Variants in EBF2 observed in about 807,000 individuals in gnomAD.
The protein encoded by EBF2 is transcription factor COE2.
In EBF2, 21 loss-of-function variants were observed where a neutral mutation model predicts 72.8. The observed-to-expected ratio is 0.29, with a 90% CI of 0.20 to 0.42. The LOEUF (loss-of-function observed/expected upper bound fraction) is 0.42. EBF2 is among the 10% of genes least tolerant of loss of function. The pLI is 1.00. For missense variants in EBF2, 637 were observed against 731.2 expected (o/e 0.87, Z 1.49); for synonymous variants, 299 against 274.2 (o/e 1.09, Z -0.89).
At position 25,842,200 on chromosome 8, in the gene EBF2, T is replaced by A. The variant is rs1801755826; in HGVS notation, c.*2409A>T. 6.6e-6 allele frequency: 1 copy of A among 152,210 alleles called. No individual in the cohort carries two copies. The highest frequency in any genetic ancestry group is 6.5e-5 in the Admixed American group (1 of 15,278). 9.4% of individuals were successfully genotyped at this position (152,210 alleles called of 1,614,324 possible). A position where few individuals can be genotyped will look rare whatever the true frequency, so the allele number is the denominator to read the frequency against. ...TGGGACTGGAATGATTGAATAGCAA[T>A]GACTAACGAGGACAGGGTAGCTTTG... On this transcript the variant is annotated 3_prime_UTR_variant, in exon 16 of 16. Coordinates refer to ENST00000520164, the MANE Select transcript of EBF2 (RefSeq NM_022659.4).
chr8:25,976,503 T>C (rs1804270719), intron 6 of EBF2, among the ~76,000 whole-genome samples: 1 of 152,242 alleles, frequency 6.6e-6, no homozygotes, highest in Non-Finnish European at 1.5e-5. Context: ...ACACAGTATA[T>C]TTCGACTGAG....
At chr8:25,977,774 G>C (rs952322277) in intron 6 of EBF2, among the ~76,000 whole-genome samples, 1 of 152,128 alleles carries the variant, frequency 6.6e-6, no homozygotes, top group Non-Finnish European at 1.5e-5. Flanking sequence ...TCTATGACAC[G>C]TGTCAAAGAC....
chr8:25,947,127 A>C (rs61271662), intron 6 of EBF2, among the ~76,000 whole-genome samples: 18,166 of 152,080 alleles, frequency 0.12, 1,166 homozygotes, highest in Middle Eastern at 0.15. Context: ...CTGTGTCTCC[A>C]CCCAAATCTC....
chr8:26,003,744 C>A (rs1468551947), intron 6 of EBF2, among the ~76,000 whole-genome samples: 1 of 152,122 alleles, frequency 6.6e-6, no homozygotes, highest in African/African-American at 2.4e-5. Context: ...GAGGTGACAG[C>A]CAGGATTATT....
intron 6 of EBF2, among the ~76,000 whole-genome samples, chr8:25,971,264 G>A (rs1189613191): frequency 2.6e-5 from 4 of 152,184 alleles, no homozygotes; most frequent in Non-Finnish European, 5.9e-5. Flanking sequence ...CTCCTTGGCA[G>A]CGTGTCCAGA....
chr8:25,903,448 C>A (rs562673455), intron 7 of EBF2, among the ~76,000 whole-genome samples: 2 of 152,252 alleles, frequency 1.3e-5, no homozygotes, highest in Admixed American at 1.3e-4. Context: ...GTAATCCCAG[C>A]ACTTTGGGAG....
chr8:26,042,427 T>C (rs1805619308), intron 1 of EBF2, among the ~76,000 whole-genome samples, 176 bp from the exon 2 acceptor site: 1 of 151,966 alleles, frequency 6.6e-6, no homozygotes, highest in African/African-American at 2.4e-5. Flanking sequence ...CTTAAAGGAG[T>C]CACCGTGGCC....
chr8:25,869,326 A>G (rs1802390512), intron 10 of EBF2, among the ~76,000 whole-genome samples: 1 of 152,126 alleles, frequency 6.6e-6, no homozygotes, highest in Non-Finnish European at 1.5e-5. Context: ...CTCAAGTTGG[A>G]GACAGGGGAG....
intron 6 of EBF2, among the ~76,000 whole-genome samples, chr8:25,945,657 T>G (rs1251228043): frequency 2.0e-5 from 3 of 151,618 alleles, no homozygotes; most frequent in Non-Finnish European, 4.4e-5. Flanking sequence ...CCTGTGGAAT[T>G]TGTTTCTGAT....
At position 25,850,647 on chromosome 8, in the gene EBF2, G is replaced by A. The variant is rs183078720; in HGVS notation, c.1643C>T (p.Pro548Leu). ...QKSAFAPVIR[P>L]QGSPSPACSS... ...GCAGGCAGGTGAAGGGGAGCCTTGG[G>A]GCCTGATGACAGGGGCAAAGGCACT... The change falls in exon 15 of 16, where the codon CCC becomes CTC. Residue 548 changes from proline to leucine, a missense_variant. Pro to Leu is a moderately conservative substitution (Grantham distance 98). Coordinates refer to ENST00000520164, the MANE Select transcript of EBF2 (RefSeq NM_022659.4). The A allele has an allele frequency of 6.4e-7, 1 of 1,568,140 alleles. No homozygotes were observed. Among genetic ancestry groups the A allele is most frequent in the East Asian group, 2.4e-5 (1 of 42,020 alleles).
chr8:25,865,654 T>G (rs1424376758), intron 10 of EBF2, among the ~76,000 whole-genome samples: 1 of 151,764 alleles, frequency 6.6e-6, no homozygotes, highest in Admixed American at 6.5e-5. Flanking sequence ...CTCAAACTCC[T>G]AGGCTCAAGC....
intron 6 of EBF2, among the ~76,000 whole-genome samples, chr8:26,027,064 G>A (rs1805312616): frequency 6.6e-6 from 1 of 152,136 alleles, no homozygotes; most frequent in Non-Finnish European, 1.5e-5. Flanking sequence ...TGATATATCT[G>A]GTTTACCCAT....
chr8:26,003,937 G>A (rs953000522), intron 6 of EBF2, among the ~76,000 whole-genome samples: 4 of 152,126 alleles, frequency 2.6e-5, no homozygotes, highest in African/African-American at 9.7e-5. Flanking sequence ...GGGACCAGGG[G>A]TAGTTTGTAG....
chr8:25,902,734 A>G (rs78740156), intron 7 of EBF2, among the ~76,000 whole-genome samples: 2 of 152,250 alleles, frequency 1.3e-5, no homozygotes, highest in African/African-American at 4.8e-5. Context: ...GCACAGACCC[A>G]GGAACCAACA....
At chr8:25,960,067 T>C (rs1563193108) in intron 6 of EBF2, among the ~76,000 whole-genome samples, 3 of 152,158 alleles carry the variant, frequency 2.0e-5, no homozygotes, top group East Asian at 1.9e-4. Context: ...GTGATCTTCA[T>C]GTATCTAAGG....
intron 14 of EBF2, 72 bp from the exon 15 acceptor site, chr8:25,850,833 T>A (rs1278175728): frequency 1.4e-6 from 2 of 1,479,384 alleles, no homozygotes; most frequent in Admixed American, 5.7e-5. Flanking sequence ...GGCACACATT[T>A]ATTGAGAAAT....
intron 14 of EBF2, 138 bp from the exon 15 acceptor site, chr8:25,850,899 G>T (rs1050501307): frequency 3.8e-5 from 35 of 913,876 alleles, no homozygotes; most frequent in Non-Finnish European, 9.5e-6. Flanking sequence ...AAAGTTGAAT[G>T]TGACAACATT....
Position 25,978,252 on chromosome 8 carries a change from C to T in EBF2, c.551+54833G>A, listed in dbSNP as rs370738643. Among the ~76,000 whole-genome samples the T allele has an allele frequency of 2.8e-4, 42 of 150,512 alleles. 1 individual carries two copies. Among genetic ancestry groups the T allele is most frequent in the East Asian group, 1.8e-3 (9 of 5,142 alleles). On this transcript the variant is annotated intron_variant, in intron 6 of 15. Coordinates refer to ENST00000520164, the MANE Select transcript of EBF2 (RefSeq NM_022659.4). Reference sequence around the variant, plus strand: ...TTAAAAAGCCAGGGAAGCCCCAGGCCCACCTTGAGGGGCCTCGGGTTGGGG... The same window carrying T: ...TTAAAAAGCCAGGGAAGCCCCAGGCTCACCTTGAGGGGCCTCGGGTTGGGG...
At chr8:25,912,466 GCA>G (rs141335310) in intron 6 of EBF2, among the ~76,000 whole-genome samples, 24,460 of 136,734 alleles carry the variant, frequency 0.18, 2,320 homozygotes, top group African/African-American at 0.26. Flanking sequence ...TCTAAAAATG[GCA>G]CACACACACA....
Sources: allele counts gnomAD v4.1 joint callset (sites outside exome capture counted in the v4.1 genomes callset), GRCh38; gene constraint gnomAD v4.1.1; transcripts MANE v1.5; gene names NCBI Gene and HGNC (gene_info 2026-07-23, HGNC 2026-07-21).